MMP26: variants seen among roughly 807,000 people sequenced by gnomAD.
MMP26 encodes the protein matrix metalloproteinase-26.
A neutral mutation model predicts 31.0 loss-of-function variants in MMP26; 33 were observed. That is an observed-to-expected ratio of 1.06 (90% CI 0.81 to 1.42). The LOEUF is 1.42. MMP26 is among the 40% of genes most tolerant of loss of function. MMP26 has a pLI of 0.00. For missense variants in MMP26, 347 were observed against 316.1 expected, an observed-to-expected ratio of 1.10 and a Z score of -0.74; for synonymous variants, 122 against 114.9, an observed-to-expected ratio of 1.06 and a Z score of -0.40.
chr11:4,832,531 A>T (rs532602591), intron 2 of MMP26: 1 of 152,446 alleles, frequency 6.6e-6, no homozygotes, highest in East Asian at 1.9e-4. Context: ...ACCCCCTAAG[A>T]TATAGCTCTA....
At chr11:4,729,998 T>TTTTTTTTTTTTTTTTTGAGACGGAGTCTC (rs1372068573) in intron 1 of MMP26, among the ~76,000 whole-genome samples, 1 of 151,802 alleles carries the variant, frequency 6.6e-6, no homozygotes, top group Non-Finnish European at 1.5e-5. Context: ...CCCTCATTTT[T>TTTTTTTTTTTTTTTTTGAGACGGAGTCTC]GTAGCTGGTC....
chr11:4,771,052 T>C (rs1848710200), intron 2 of MMP26, among the ~76,000 whole-genome samples: 1 of 152,112 alleles, frequency 6.6e-6, no homozygotes. Flanking sequence ...CGGTTTATTT[T>C]AAGAAACTTG....
intron 1 of MMP26, among the ~76,000 whole-genome samples, chr11:4,760,911 T>C (rs763743538): frequency 1.1e-4 from 16 of 152,218 alleles, no homozygotes; most frequent in Admixed American, 2.0e-4. Flanking sequence ...TTGGTTATTA[T>C]TTATGGCAGG....
At chr11:4,989,982 C>T (rs550209306) in intron 4 of MMP26, 114 bp downstream of exon 4, 1 of 781,406 alleles carries the variant, frequency 1.3e-6, no homozygotes, top group Non-Finnish European at 2.0e-6. Flanking sequence ...TGGCAGCCCG[C>T]TCAAAGCCCA....
chr11:4,750,130 C>A (rs1320373133), intron 1 of MMP26, among the ~76,000 whole-genome samples: 1 of 152,036 alleles, frequency 6.6e-6, no homozygotes, highest in East Asian at 1.9e-4. Flanking sequence ...AGGACATTAA[C>A]AGACAGTTTT....
chr11:4,858,815 C>T (rs992950857), intron 2 of MMP26, among the ~76,000 whole-genome samples: 1 of 152,154 alleles, frequency 6.6e-6, no homozygotes, highest in African/African-American at 2.4e-5. Flanking sequence ...TACCTGACTT[C>T]AAGCTATACT....
rs1318465108 is a variant in MMP26 at position 4,986,928 on chromosome 11, TCTCC to T, written c.-144-1136_-144-1133del. ...CTTTCTCTCTCTCTCTCTCTCTCTC[TCTCC>T]CTCTCTCTCTCTCTCTCTCTCTCTC... On this transcript the variant is annotated intron_variant, in intron 2 of 7. Coordinates refer to ENST00000380390, the MANE Select transcript of MMP26 (RefSeq NM_021801.5). Among the ~76,000 whole-genome samples the T allele has an allele frequency of 4.4e-4, 45 of 102,578 alleles. 1 individual carries two copies. The highest frequency in any genetic ancestry group is 1.3e-3 in the African/African-American group (33 of 24,622). 67.3% of individuals were successfully genotyped at this position (102,578 alleles called of 152,430 possible). A position where few individuals can be genotyped will look rare whatever the true frequency, so the allele number is the denominator to read the frequency against.
intron 1 of MMP26, chr11:4,709,437 A>G: frequency 2.9e-6 from 1 of 341,554 alleles, no homozygotes; most frequent in Non-Finnish European, 5.8e-6. Flanking sequence ...ATGCATTTTC[A>G]TTGAAGAATA....
chr11:4,810,506 T>C, intron 2 of MMP26, among the ~76,000 whole-genome samples: 1 of 152,244 alleles, frequency 6.6e-6, no homozygotes, highest in East Asian at 1.9e-4. Flanking sequence ...ACACACATTC[T>C]GTGAAGGCAC....
At chr11:4,929,738 C>T (rs887092630) in intron 2 of MMP26, among the ~76,000 whole-genome samples, 1 of 152,020 alleles carries the variant, frequency 6.6e-6, no homozygotes, top group African/African-American at 2.4e-5. Context: ...GATAGAAAAT[C>T]AGTTAATTAT....
At chr11:4,729,515 C>A (rs1848145036) in intron 1 of MMP26, among the ~76,000 whole-genome samples, 1 of 152,162 alleles carries the variant, frequency 6.6e-6, no homozygotes, top group Non-Finnish European at 1.5e-5. Flanking sequence ...TAACTAGTTT[C>A]TCCCATGGGC....
At chr11:4,845,260 G>T (rs1433899) in intron 2 of MMP26, among the ~76,000 whole-genome samples, 1 of 151,788 alleles carries the variant, frequency 6.6e-6, no homozygotes, top group Non-Finnish European at 1.5e-5. Context: ...GTTGAAGAGG[G>T]TACCAAGAAA....
At chr11:4,842,683 C>T (rs1297822566) in intron 2 of MMP26, among the ~76,000 whole-genome samples, 1 of 152,144 alleles carries the variant, frequency 6.6e-6, no homozygotes, top group Non-Finnish European at 1.5e-5. Context: ...TATCATTCTG[C>T]CCCTTGACCC....
At position 4,707,605 on chromosome 11, in the gene MMP26, G is replaced by A. The variant is rs77073877; in HGVS notation, c.-217+2560G>A. Among the ~76,000 whole-genome samples the A allele has an allele frequency of 6.5e-3, 991 of 152,290 alleles. 14 individuals carry two copies. Among genetic ancestry groups the A allele is most frequent in the African/African-American group, 0.023 (940 of 41,558 alleles). On this transcript the variant is annotated intron_variant, in intron 1 of 7. Coordinates refer to ENST00000380390, the MANE Select transcript of MMP26 (RefSeq NM_021801.5). ...TTTTTATCACTAGGTCCAAATCTGA[G>A]CAAAGTCCTTGTCTCAAAGATAAAT...
chr11:4,737,135 A>C (rs151209362), intron 1 of MMP26: 1 of 152,314 alleles, frequency 6.6e-6, no homozygotes, highest in East Asian at 1.9e-4. Context: ...TGTTGCAATA[A>C]ATGTCCTAGA....
At chr11:4,940,605 TC>T (rs1400493630) in intron 2 of MMP26, among the ~76,000 whole-genome samples, 1 of 152,142 alleles carries the variant, frequency 6.6e-6, no homozygotes, top group Non-Finnish European at 1.5e-5. Context: ...TTTATGAAGC[TC>T]TAAGAGCCCC....
chr11:4,981,686 T>C (rs771150682), intron 2 of MMP26, among the ~76,000 whole-genome samples: 33 of 152,224 alleles, frequency 2.2e-4, no homozygotes, highest in South Asian at 4.1e-4. Context: ...AACTTTTTTA[T>C]TTACAAACTT....
chr11:4,857,083 G>A (rs1169674724), intron 2 of MMP26, among the ~76,000 whole-genome samples: 1 of 152,028 alleles, frequency 6.6e-6, no homozygotes, highest in Non-Finnish European at 1.5e-5. Context: ...GTGTGTAGAG[G>A]GAAATTTATA....
chr11:4,920,444 T>C (rs769567762), intron 2 of MMP26, among the ~76,000 whole-genome samples: 1 of 152,136 alleles, frequency 6.6e-6, no homozygotes, highest in Non-Finnish European at 1.5e-5. Context: ...CCAACATAGT[T>C]CCATTCTAGC....
Sources: gnomAD v4.1 joint callset for allele counts (sites outside exome capture counted in the v4.1 genomes callset) on GRCh38, gnomAD v4.1.1 for gene constraint, MANE v1.5 for transcripts, NCBI Gene and HGNC (gene_info 2026-07-23, HGNC 2026-07-21) for gene names.